DDAH1: variants seen among roughly 807,000 people sequenced by gnomAD.
DDAH1 encodes the protein N(G),N(G)-dimethylarginine dimethylaminohydrolase 1.
A neutral mutation model predicts 28.8 loss-of-function variants in DDAH1; 19 were observed. The observed-to-expected ratio is 0.66, with a 90% CI of 0.46 to 0.97. DDAH1 has a LOEUF of 0.97. Among genes scored for constraint, DDAH1 ranks in the 50% least tolerant of loss-of-function variants. DDAH1 has a pLI of 0.00. For synonymous variants in DDAH1, 153 were observed against 154.4 expected (o/e 0.99, Z 0.07); for missense variants, 326 against 375.9 (o/e 0.87, Z 1.10).
chr1:85,338,512 T>C (rs1022476091), intron 4 of DDAH1, among the ~76,000 whole-genome samples: 5 of 152,174 alleles, frequency 3.3e-5, no homozygotes, highest in South Asian at 2.1e-4. Flanking sequence ...ACTTTAGGAA[T>C]AGATTTTCTC....
At chr1:85,488,748 A>C (rs2100725432) in intron 2 of DDAH1, among the ~76,000 whole-genome samples, 1 of 152,280 alleles carries the variant, frequency 6.6e-6, no homozygotes, top group Non-Finnish European at 1.5e-5. Context: ...GCAGAAACAA[A>C]GTTAGAGAGC....
At chr1:85,331,763 C>T (rs2100802399) in intron 4 of DDAH1, among the ~76,000 whole-genome samples, 1 of 152,256 alleles carries the variant, frequency 6.6e-6, no homozygotes, top group South Asian at 2.1e-4. Flanking sequence ...AGATGACTGA[C>T]TAGAGGTACT....
chr1:85,406,783 A>G (rs1652424834), intron 1 of DDAH1, among the ~76,000 whole-genome samples: 1 of 152,136 alleles, frequency 6.6e-6, no homozygotes, highest in Non-Finnish European at 1.5e-5. Flanking sequence ...TACTATAAAC[A>G]TTCATAAAGG....
At chr1:85,530,939 C>T (rs1311083154) in intron 1 of DDAH1, among the ~76,000 whole-genome samples, 2 of 139,674 alleles carry the variant, frequency 1.4e-5, no homozygotes, top group African/African-American at 2.7e-5. Flanking sequence ...TGCAGTGAGC[C>T]GAGATCGTGC....
At position 85,320,517 on chromosome 1, in the gene DDAH1, G is replaced by C. The variant is rs1459294956; in HGVS notation, c.*935C>G. 1 of 144,328 alleles carries C rather than the reference G, an allele frequency of 6.9e-6. No homozygotes were observed. The highest frequency in any genetic ancestry group is 2.6e-5 in the African/African-American group (1 of 37,780). 8.9% of individuals were successfully genotyped at this position (144,328 alleles called of 1,614,324 possible). On this transcript the variant is annotated 3_prime_UTR_variant, in exon 6 of 6. Transcript: ENST00000284031. ...TAGGTGGAAACAGAAATGAGTAGAAGGAAAAAAAAAAAAGAGTTCCTCCAA... is the reference window on the plus strand; with the variant it reads ...TAGGTGGAAACAGAAATGAGTAGAACGAAAAAAAAAAAAGAGTTCCTCCAA...
rs180867696 is a variant in DDAH1, at chr1:85,420,897, G to A, written c.303+43846C>T. ...AACTGGGTAATTTATAAAGAAAAGA[G>A]GTTTAATTGGCTCAGGGTTCTGCAG... On this transcript the variant is annotated intron_variant, in intron 1 of 5. Coordinates refer to ENST00000284031, the MANE Select transcript of DDAH1 (RefSeq NM_012137.4). 1.9e-3 allele frequency among the ~76,000 whole-genome samples: 290 copies of A among 152,280 alleles called. 1 individual carries two copies. The highest frequency in any genetic ancestry group is 6.7e-3 in the African/African-American group (280 of 41,556).
upstream of DDAH1, chr1:85,465,197 C>G: frequency 8.8e-7 from 1 of 1,130,922 alleles, no homozygotes; most frequent in Non-Finnish European, 1.1e-6. Context: ...GGAGCCCTGC[C>G]CGCGCGACTG....
intron 1 of DDAH1, among the ~76,000 whole-genome samples, chr1:85,555,760 A>G (rs1658943211): frequency 6.6e-6 from 1 of 152,180 alleles, no homozygotes; most frequent in African/African-American, 2.4e-5. Context: ...GTCAATTTGA[A>G]CTGGTAAAAC....
intron 1 of DDAH1, among the ~76,000 whole-genome samples, chr1:85,381,282 G>GT (rs1237799548): frequency 6.6e-6 from 1 of 150,954 alleles, no homozygotes; most frequent in Non-Finnish European, 1.5e-5. Flanking sequence ...GTTGGCAAGT[G>GT]TTTTTTTGTT....
chr1:85,392,175 G>A (rs1651583297), intron 1 of DDAH1, among the ~76,000 whole-genome samples: 1 of 152,064 alleles, frequency 6.6e-6, no homozygotes, highest in African/African-American at 2.4e-5. Flanking sequence ...CAAGGTATCT[G>A]CAGGGTTGGT....
At chr1:85,459,325 G>A (rs2100685381) in intron 1 of DDAH1, among the ~76,000 whole-genome samples, 1 of 152,320 alleles carries the variant, frequency 6.6e-6, no homozygotes, top group Middle Eastern at 3.4e-3. Context: ...AATCTCTGCA[G>A]AAAGCTCATT....
chr1:85,464,808 C>A lies in DDAH1; in HGVS notation c.238G>T (p.Val80Leu). The A allele has an allele frequency of 6.3e-7, 1 of 1,587,204 alleles. No homozygotes were observed. The part of the protein sequence containing the change: ...SLPDCVFVED[V>L]AVVCEETALI... ...GCCGTCTCCTCGCACACCACGGCCACGTCCTCCACGAAGACGCAGTCCGGA... is the reference window on the plus strand; with the variant it reads ...GCCGTCTCCTCGCACACCACGGCCAAGTCCTCCACGAAGACGCAGTCCGGA... Residue 80 changes from valine (V) to leucine (L), a missense_variant, in exon 1 of 6, where the codon GTG becomes TTG. Transcript: ENST00000284031. This position sits in a 1 kb window ranked among gnomAD's most constrained non-coding sequence, Gnocchi z 4.4.
chr1:85,434,074 T>A (rs1180818767), intron 1 of DDAH1, among the ~76,000 whole-genome samples: 1 of 152,348 alleles, frequency 6.6e-6, no homozygotes, highest in East Asian at 1.9e-4. Context: ...TGATTTTTCC[T>A]ATTGTGATTT....
intron 4 of DDAH1, among the ~76,000 whole-genome samples, chr1:85,349,362 G>A (rs1344563918): frequency 6.6e-6 from 1 of 152,182 alleles, no homozygotes; most frequent in East Asian, 1.9e-4. Flanking sequence ...TCAAGGAAAC[G>A]ATTGCTTCCC....
At chr1:85,407,718 C>G (rs1410841581) in intron 1 of DDAH1, among the ~76,000 whole-genome samples, 3 of 151,968 alleles carry the variant, frequency 2.0e-5, no homozygotes, top group Non-Finnish European at 4.4e-5. Context: ...TAATATTGAC[C>G]CAAGGGTTAT....
chr1:85,390,590 G>C (rs1359480905), intron 1 of DDAH1, among the ~76,000 whole-genome samples: 1 of 152,136 alleles, frequency 6.6e-6, no homozygotes, highest in Non-Finnish European at 1.5e-5. Context: ...TACCCAAAGA[G>C]GGCATGGGGT....
Position 85,321,417 on chromosome 1 carries a change from G to C in DDAH1, c.*35C>G. 7.2e-7 allele frequency: 1 copy of C among 1,394,732 alleles called. No individual in the cohort carries two copies. The highest frequency in any genetic ancestry group is 1.0e-6 in the Non-Finnish European group (1 of 980,432). The allele number at this position is 1,394,732 out of a possible 1,614,324, so 86.4% of individuals were successfully genotyped here. A position where few individuals can be genotyped will look rare whatever the true frequency, so the allele number is the denominator to read the frequency against. On this transcript the variant is annotated 3_prime_UTR_variant, in exon 6 of 6. Coordinates refer to ENST00000284031, the MANE Select transcript of DDAH1 (RefSeq NM_012137.4). ...GCACAGAGTCATCGGCCTTGCCTGT[G>C]CGGTCTTGCCGGCTACCGGGGGGGA...
chr1:85,371,577 CTTGAA>C (rs774322902), intron 1 of DDAH1, among the ~76,000 whole-genome samples: 2 of 152,154 alleles, frequency 1.3e-5, no homozygotes, highest in Non-Finnish European at 2.9e-5. Context: ...ATTATGATCA[CTTGAA>C]TTGGAGACAA....
intron 1 of DDAH1, among the ~76,000 whole-genome samples, chr1:85,429,213 T>C (rs1006463357): frequency 5.3e-5 from 8 of 150,478 alleles, no homozygotes; most frequent in African/African-American, 2.0e-4. Flanking sequence ...CCCCTCCCTG[T>C]GTCCATGTGT....
Sources: gnomAD v4.1 joint callset for allele counts (sites outside exome capture counted in the v4.1 genomes callset) on GRCh38, gnomAD v4.1.1 for gene constraint, Gnocchi (gnomAD v3.1) non-coding constraint, MANE v1.5 for transcripts, NCBI Gene and HGNC (gene_info 2026-07-23, HGNC 2026-07-21) for gene names.